The following SAP130 variants were observed in gnomAD, a reference collection of about 807,000 sequenced individuals.
SAP130 encodes Sin3A associated protein 130.
A neutral mutation model predicts 103.2 loss-of-function variants in SAP130; 16 were observed. The ratio of observed to expected loss-of-function variants is 0.16; its 90% CI spans 0.10 to 0.24. SAP130 has a LOEUF of 0.24. Ranked by LOEUF, SAP130 falls within the 10% of genes least tolerant of loss-of-function variation. The pLI, the probability that SAP130 is intolerant of heterozygous loss-of-function variation, is 1.00. For missense variants in SAP130, 990 were observed against 1,359.7 expected (o/e 0.73, Z 4.28); for synonymous variants, 477 against 497.0 (o/e 0.96, Z 0.53).
Position 128,026,199 on chromosome 2 carries a change from T to C in SAP130, c.94A>G (p.Ile32Val). 1 of 1,613,168 alleles carries C rather than the reference T, an allele frequency of 6.2e-7. No homozygotes were observed. Among genetic ancestry groups the C allele is most frequent in the Non-Finnish European group, 8.5e-7 (1 of 1,179,126 alleles). ...ATCTCACCTGTAGCAGCTGGGTTTA[T>C]CAATCCAGCAGAACCACTGTTTGCA... ...QIANSGSAGLINPAATVNDES... is the reference protein window; with the variant it reads ...QIANSGSAGLVNPAATVNDES... The change falls in exon 2 of 21, where the codon ATA (isoleucine) becomes GTA (valine). Residue 32 changes from isoleucine to valine, a missense_variant. By Grantham distance (29) the Ile-to-Val change is conservative. Coordinates refer to ENST00000643581, the MANE Select transcript of SAP130 (RefSeq NM_001330301.2).
chr2:128,015,100 A>G lies in SAP130; in HGVS notation c.508-186T>C, dbSNP rs148133798. Reference sequence around the variant, plus strand: ...ATACCGTACAATGAACTGTGCTAACAGGCATGTGAGAAGTATGAGGACCCC... The same window carrying G: ...ATACCGTACAATGAACTGTGCTAACGGGCATGTGAGAAGTATGAGGACCCC... On this transcript the variant is annotated intron_variant, in intron 4 of 20. Transcript: ENST00000643581. Among the ~76,000 whole-genome samples, 51 of 152,316 alleles carry G rather than the reference A, an allele frequency of 3.3e-4. 1 individual carries two copies. The South Asian group carries it at 6.4e-3, about 19-fold the overall frequency.
intron 16 of SAP130, among the ~76,000 whole-genome samples, chr2:127,951,357 T>C (rs1289609757): frequency 1.3e-5 from 2 of 152,190 alleles, no homozygotes; most frequent in African/African-American, 2.4e-5. Flanking sequence ...CTACCCACTC[T>C]GCTGCCCACT....
intron 14 of SAP130, among the ~76,000 whole-genome samples, chr2:127,982,137 C>T (rs1294576797): frequency 6.6e-6 from 1 of 150,680 alleles, no homozygotes; most frequent in African/African-American, 2.5e-5. Flanking sequence ...CTGGACACAG[C>T]AAACACAGAC....
At chr2:127,945,611 A>C in intron 18 of SAP130, 52 bp from the exon 19 acceptor site, 1 of 1,134,674 alleles carries the variant, frequency 8.8e-7, no homozygotes, top group Non-Finnish European at 1.3e-6. Flanking sequence ...AAAAAGGTAA[A>C]TGATTTGTGT....
At chr2:128,016,767 C>G (rs941552454) in intron 3 of SAP130, among the ~76,000 whole-genome samples, 2 of 152,208 alleles carry the variant, frequency 1.3e-5, no homozygotes, top group African/African-American at 4.8e-5. Context: ...CTGACTTGCT[C>G]AAAGCCACAC....
chr2:128,020,336 G>A (rs984855301), intron 2 of SAP130, among the ~76,000 whole-genome samples: 2 of 152,122 alleles, frequency 1.3e-5, no homozygotes, highest in African/African-American at 4.8e-5. Context: ...ATCCTCCGAA[G>A]GAAATCAATC....
intron 19 of SAP130, among the ~76,000 whole-genome samples, chr2:127,944,691 G>C (rs1460114562): frequency 6.6e-6 from 1 of 152,088 alleles, no homozygotes; most frequent in Non-Finnish European, 1.5e-5. Flanking sequence ...CTCCCAAAGT[G>C]CTGGGATTAC....
chr2:128,026,599 A>T (rs144171878), intron 1 of SAP130, among the ~76,000 whole-genome samples: 1 of 152,352 alleles, frequency 6.6e-6, no homozygotes, highest in East Asian at 1.9e-4. Context: ...GACAGGTATT[A>T]CCACAATGCA....
Position 127,996,679 on chromosome 2 carries a change from T to C in SAP130, c.1214-188A>G, listed in dbSNP as rs528159184. Among the ~76,000 whole-genome samples, 2 of 152,354 alleles carry C rather than the reference T, an allele frequency of 1.3e-5. No individual in the cohort carries two copies. Among genetic ancestry groups the C allele is most frequent in the South Asian group, 2.1e-4 (1 of 4,830 alleles). ...ATTTCAATCCTATCATTCACTGATA[T>C]ACTCCTACTGTTATTAAAGCAGGGT... On this transcript the variant is annotated intron_variant, in intron 10 of 20. Coordinates refer to ENST00000643581, the MANE Select transcript of SAP130 (RefSeq NM_001330301.2). The surrounding 1 kb of genome is among the most constrained non-coding windows in gnomAD (Gnocchi z 4.3).
chr2:128,027,295 TC>T (rs1573876941), intron 1 of SAP130: 2 of 1,159,558 alleles, frequency 1.7e-6, no homozygotes, highest in East Asian at 8.1e-5. Flanking sequence ...GCAGTCCTCT[TC>T]CCCCGAACCT....
intron 16 of SAP130, among the ~76,000 whole-genome samples, chr2:127,954,734 G>T (rs1197154908): frequency 6.6e-6 from 1 of 152,104 alleles, no homozygotes; most frequent in African/African-American, 2.4e-5. Flanking sequence ...GATATCCATG[G>T]GGAAATATTA....
At chr2:128,011,631 G>A (rs75341215) in intron 6 of SAP130, among the ~76,000 whole-genome samples, 2,021 of 152,180 alleles carry the variant, frequency 0.013, 37 homozygotes, top group African/African-American at 0.047. Context: ...ATACTCCTCC[G>A]ACTCTGTTTT....
intron 18 of SAP130, among the ~76,000 whole-genome samples, chr2:127,946,403 G>A (rs759236483): frequency 6.6e-6 from 1 of 152,090 alleles, no homozygotes; most frequent in African/African-American, 2.4e-5. Flanking sequence ...TCAAATCAAG[G>A]AAGAACCCTT....
At chr2:128,005,155 CA>C (rs917058190) in intron 7 of SAP130, among the ~76,000 whole-genome samples, 1 of 152,022 alleles carries the variant, frequency 6.6e-6, no homozygotes, top group African/African-American at 2.4e-5. Context: ...CAGAAGAAGA[CA>C]AAATATATGG....
At chr2:128,008,621 T>C (rs1684151462) in intron 7 of SAP130, among the ~76,000 whole-genome samples, 1 of 151,608 alleles carries the variant, frequency 6.6e-6, no homozygotes, top group Non-Finnish European at 1.5e-5. Flanking sequence ...TTCTCCCACC[T>C]TGGCCTCCAA....
chr2:127,948,153 C>A (rs1189848250), intron 18 of SAP130, among the ~76,000 whole-genome samples: 1 of 152,090 alleles, frequency 6.6e-6, no homozygotes, highest in Non-Finnish European at 1.5e-5. Flanking sequence ...AAGTGAGTTT[C>A]TTGTACACAG....
chr2:127,971,264 T>C (rs35927469), intron 15 of SAP130, among the ~76,000 whole-genome samples: 2 of 151,090 alleles, frequency 1.3e-5, no homozygotes, highest in East Asian at 2.0e-4. Context: ...TCTTTCTTTG[T>C]ATTTTATCCA....
At chr2:128,017,317 G>A (rs1354689523) in intron 3 of SAP130, among the ~76,000 whole-genome samples, 1 of 151,938 alleles carries the variant, frequency 6.6e-6, no homozygotes, top group African/African-American at 2.4e-5. Flanking sequence ...GAAAGACTCC[G>A]TCTCAAATAA....
chr2:128,005,539 CG>C (rs1345632829), intron 7 of SAP130, among the ~76,000 whole-genome samples: 1 of 151,656 alleles, frequency 6.6e-6, no homozygotes, highest in African/African-American at 2.4e-5. Flanking sequence ...GGCTTGAACC[CG>C]GGGGGTGGAG....
Sources: allele counts gnomAD v4.1 joint callset (sites outside exome capture counted in the v4.1 genomes callset), GRCh38; gene constraint gnomAD v4.1.1; non-coding constraint Gnocchi (gnomAD v3.1); transcripts MANE v1.5; gene names NCBI Gene and HGNC (gene_info 2026-07-23, HGNC 2026-07-21).